INPP5A: variants seen among roughly 807,000 people sequenced by gnomAD.
INPP5A encodes inositol polyphosphate-5-phosphatase A, also known as 43 kDa inositol polyphosphate 5-phophatase.
A neutral mutation model predicts 65.2 loss-of-function variants in INPP5A; 14 were observed. That is an observed-to-expected ratio of 0.21 (90% CI 0.14 to 0.34). INPP5A has a LOEUF of 0.34. INPP5A is among the 10% of genes least tolerant of loss of function. The pLI is 1.00. For synonymous variants in INPP5A, 207 were observed against 208.3 expected, an observed-to-expected ratio of 0.99 and a Z score of 0.05; for missense variants, 431 against 545.6, an observed-to-expected ratio of 0.79 and a Z score of 2.09.
At position 132,587,725 on chromosome 10, in the gene INPP5A, C is replaced by T. The variant is rs924076029; in HGVS notation, c.76-20190C>T. 2.6e-5 allele frequency among the ~76,000 whole-genome samples: 4 copies of T among 152,038 alleles called. No homozygotes were observed. Among genetic ancestry groups the T allele is most frequent in the South Asian group, 2.1e-4 (1 of 4,822 alleles). On this transcript the variant is annotated intron_variant, in intron 1 of 15. Transcript: ENST00000368594. The surrounding 1 kb of genome is among the most constrained non-coding windows in gnomAD (Gnocchi z 4.3). The stretch of plus-strand genomic sequence containing the variant: ...CTTGTGTTGTTTCTTAGAATTTGGC[C>T]GGGCATGGTGGCTCATGCCTGTAAT...
intron 6 of INPP5A, among the ~76,000 whole-genome samples, chr10:132,701,072 G>A (rs1434330727): frequency 6.6e-6 from 1 of 152,202 alleles, no homozygotes; most frequent in Non-Finnish European, 1.5e-5. Context: ...CTCTGAGCGG[G>A]CCTTCGGCGT....
chr10:132,538,022 C>A lies in INPP5A; in HGVS notation c.-75C>A, dbSNP rs1324332613. The A allele has an allele frequency of 4.1e-6, 3 of 734,458 alleles. No individual in the cohort carries two copies. Among genetic ancestry groups the A allele is most frequent in the African/African-American group, 1.9e-5 (1 of 51,956 alleles). The allele number at this position is 734,458 out of a possible 1,614,324, so 45.5% of individuals were successfully genotyped here. A position where few individuals can be genotyped will look rare whatever the true frequency, so the allele number is the denominator to read the frequency against. On this transcript the variant is annotated 5_prime_UTR_variant, in exon 1 of 16. Transcript: ENST00000368594. This position sits in a 1 kb window ranked among gnomAD's most constrained non-coding sequence, Gnocchi z 4.1. ...CTGACGCCCCGCGGCCCCGCGAAGA[C>A]CCCGGCCGGCCGGTCCCGGAGGAAG...
At chr10:132,572,484 C>G (rs2071356997) in intron 1 of INPP5A, among the ~76,000 whole-genome samples, 1 of 152,066 alleles carries the variant, frequency 6.6e-6, no homozygotes, top group Non-Finnish European at 1.5e-5. Flanking sequence ...GGATGCTGAG[C>G]ACGCCCGCCC....
At chr10:132,594,822 C>T (rs943132069) in intron 1 of INPP5A, among the ~76,000 whole-genome samples, 1 of 152,192 alleles carries the variant, frequency 6.6e-6, no homozygotes, top group Non-Finnish European at 1.5e-5. Context: ...GTCCCCCTGC[C>T]AGCCCTGCAG....
At chr10:132,623,324 A>AT (rs1400955012) in intron 2 of INPP5A, among the ~76,000 whole-genome samples, 4 of 152,182 alleles carry the variant, frequency 2.6e-5, no homozygotes, top group African/African-American at 9.7e-5. Context: ...CAGAAAAGAG[A>AT]TTAAGAACTA....
At chr10:132,585,084 C>A (rs770614446) in intron 1 of INPP5A, among the ~76,000 whole-genome samples, 1 of 152,184 alleles carries the variant, frequency 6.6e-6, no homozygotes, top group Non-Finnish European at 1.5e-5. Context: ...AACAGGACTG[C>A]AGTTGATTCC....
At chr10:132,729,144 T>G (rs1260530356) in intron 9 of INPP5A, among the ~76,000 whole-genome samples, 1 of 152,186 alleles carries the variant, frequency 6.6e-6, no homozygotes, top group East Asian at 1.9e-4. Flanking sequence ...ACTGCAAGGC[T>G]TTCCTTTTTC....
At chr10:132,737,881 C>T (rs191352574) in intron 9 of INPP5A, among the ~76,000 whole-genome samples, 105 of 152,270 alleles carry the variant, frequency 6.9e-4, no homozygotes, top group African/African-American at 2.3e-3. Context: ...AAATGTTATA[C>T]TTAATTATAG....
chr10:132,774,283 C>T (rs919214320), intron 12 of INPP5A, among the ~76,000 whole-genome samples: 3 of 152,224 alleles, frequency 2.0e-5, no homozygotes, highest in Admixed American at 1.3e-4. Flanking sequence ...TGAGGTCCTG[C>T]TTGTGACGGG....
Position 132,777,755 on chromosome 10 carries a change from C to G in INPP5A, c.1062C>G (p.Ser354=). 6.2e-7 allele frequency: 1 copy of G among 1,613,118 alleles called. No homozygotes were observed. Residue 354 remains serine (S), a synonymous_variant, in exon 13 of 16, where the codon TCC becomes TCG. Transcript: ENST00000368594. The stretch of plus-strand genomic sequence containing the variant: ...CCTGGTGTGACCGCATCCTCATGTC[C>G]CCGTCTGCCAAGGAGCTGGTGCTGC... ...CPAWCDRILM[S]PSAKELVLRS... is the part of the protein sequence containing the mutation.
At chr10:132,721,446 A>G (rs368967350) in intron 8 of INPP5A, among the ~76,000 whole-genome samples, 383 of 70,226 alleles carry the variant, frequency 5.5e-3, no homozygotes, top group South Asian at 8.0e-3. Context: ...GTTCTGTGGT[A>G]CCTGGGTTCT....
chr10:132,757,753 C>T (rs1565003605), intron 11 of INPP5A, among the ~76,000 whole-genome samples: 1 of 132,334 alleles, frequency 7.6e-6, no homozygotes, highest in Non-Finnish European at 1.8e-5. Context: ...CCCCACAGGC[C>T]AGTGCGATGT....
chr10:132,719,732 G>T (rs182244625), intron 8 of INPP5A, among the ~76,000 whole-genome samples: 281 of 150,602 alleles, frequency 1.9e-3, no homozygotes, highest in African/African-American at 6.7e-3. Flanking sequence ...TTAGACGGCT[G>T]TCTTCAGGGT....
intron 4 of INPP5A, among the ~76,000 whole-genome samples, chr10:132,672,008 A>G (rs987134921): frequency 5.3e-5 from 8 of 152,332 alleles, no homozygotes; most frequent in African/African-American, 1.9e-4. Flanking sequence ...ATATTCAGCT[A>G]AACTGTAGGT....
At chr10:132,577,375 G>T (rs893162390) in intron 1 of INPP5A, among the ~76,000 whole-genome samples, 3 of 152,232 alleles carry the variant, frequency 2.0e-5, no homozygotes, top group Admixed American at 1.3e-4. Context: ...GGGTCAAAAG[G>T]TGGTGGGGTA....
chr10:132,688,788 G>C (rs538629549), intron 4 of INPP5A, among the ~76,000 whole-genome samples: 7 of 149,842 alleles, frequency 4.7e-5, no homozygotes, highest in South Asian at 4.3e-4. Context: ...TCGTGTGTGA[G>C]CAAGTGCGTG....
intron 1 of INPP5A, among the ~76,000 whole-genome samples, chr10:132,554,481 G>T (rs546087711): frequency 2.6e-5 from 4 of 152,328 alleles, no homozygotes; most frequent in Admixed American, 1.3e-4. Context: ...AGGCTACTGA[G>T]AGGCGGGAAA....
intron 11 of INPP5A, among the ~76,000 whole-genome samples, chr10:132,750,224 C>T (rs925543757): frequency 4.6e-5 from 7 of 152,246 alleles, no homozygotes; most frequent in Non-Finnish European, 8.8e-5. Flanking sequence ...GAGCAGGTTC[C>T]TCACACTCCT....
At chr10:132,617,362 AG>A (rs1179831559) in intron 2 of INPP5A, among the ~76,000 whole-genome samples, 2 of 152,192 alleles carry the variant, frequency 1.3e-5, no homozygotes, top group African/African-American at 4.8e-5. Context: ...TCTAAGGACA[AG>A]AAGCTTTCCC....
Sources: allele counts gnomAD v4.1 joint callset (sites outside exome capture counted in the v4.1 genomes callset), GRCh38; gene constraint gnomAD v4.1.1; non-coding constraint Gnocchi (gnomAD v3.1); transcripts MANE v1.5; gene names NCBI Gene and HGNC (gene_info 2026-07-23, HGNC 2026-07-21).